The following THSD7A variants were observed in gnomAD, a reference collection of about 807,000 sequenced individuals.
The protein encoded by THSD7A is thrombospondin type-1 domain-containing protein 7A.
Under a neutral mutation model 231.3 loss-of-function variants are expected in THSD7A, and 96 were observed. That is an observed-to-expected ratio of 0.41 (90% CI 0.35 to 0.49). THSD7A has a LOEUF of 0.49. THSD7A is among the 20% of genes least tolerant of loss of function. The probability of loss-of-function intolerance (pLI) is 0.05; values close to 1 mark genes in which losing one functional copy is unlikely to be tolerated. For synonymous variants in THSD7A, 940 were observed against 743.3 expected (o/e 1.26, Z -4.30); for missense variants, 2,290 against 2,070.2 (o/e 1.11, Z -2.06).
intron 23 of THSD7A, among the ~76,000 whole-genome samples, chr7:11,393,546 A>C (rs1018336534): frequency 3.3e-5 from 5 of 151,424 alleles, no homozygotes; most frequent in Non-Finnish European, 5.9e-5. Context: ...TCAGAAGGTG[A>C]GTAATAACAA....
chr7:11,759,294 C>T (rs187951850), intron 1 of THSD7A, among the ~76,000 whole-genome samples: 8 of 152,078 alleles, frequency 5.3e-5, no homozygotes, highest in Admixed American at 5.2e-4. Context: ...GCAAAAATGA[C>T]CATGTAATTT....
chr7:11,686,892 A>G (rs1002300756), intron 1 of THSD7A, among the ~76,000 whole-genome samples: 2 of 151,876 alleles, frequency 1.3e-5, no homozygotes, highest in Admixed American at 1.3e-4. Context: ...TGGTGACAGC[A>G]TCATTCATAA....
intron 1 of THSD7A, among the ~76,000 whole-genome samples, chr7:11,663,992 T>C (rs1371413763): frequency 6.6e-6 from 1 of 151,408 alleles, no homozygotes; most frequent in East Asian, 1.9e-4. Context: ...TTAAAAGATA[T>C]AGCATGTTAG....
At chr7:11,602,551 A>C (rs1213625619) in intron 2 of THSD7A, among the ~76,000 whole-genome samples, 1 of 152,084 alleles carries the variant, frequency 6.6e-6, no homozygotes, top group Non-Finnish European at 1.5e-5. Flanking sequence ...GAAGGTAATT[A>C]ATGGAAATAT....
At chr7:11,776,348 C>T (rs1783405188) in intron 1 of THSD7A, among the ~76,000 whole-genome samples, 1 of 152,156 alleles carries the variant, frequency 6.6e-6, no homozygotes. Context: ...AGTAATGGAG[C>T]ACATAAAGCT....
rs367816173 is a variant in THSD7A at position 11,481,824 on chromosome 7, G to A, written c.1981C>T (p.Arg661Ter). The A allele has an allele frequency of 3.1e-6, 5 of 1,613,550 alleles. No individual in the cohort carries two copies. The highest frequency in any genetic ancestry group is 3.4e-6 in the Non-Finnish European group (4 of 1,179,622). Residue 661 changes from arginine to a stop codon, truncating the protein, a stop_gained, in exon 7 of 28, where the codon CGA becomes TGA. Coordinates refer to ENST00000423059, the MANE Select transcript of THSD7A (RefSeq NM_015204.3). LOFTEE classifies it high-confidence loss of function. ...SGKTTEGKQI[R>*]ARSILAYAGE... ...GCATAGGCCAGAATGGATCGTGCTC[G>A]TATCTGTTTCCCTTCTGTCGTTTTC...
At chr7:11,695,879 A>G (rs1322946625) in intron 1 of THSD7A, among the ~76,000 whole-genome samples, 1 of 151,558 alleles carries the variant, frequency 6.6e-6, no homozygotes, top group Admixed American at 6.6e-5. Flanking sequence ...ATATAAATAA[A>G]AGATTGAAGC....
rs183246392 is a variant in THSD7A at position 11,444,247 on chromosome 7, C to T, written c.3064+1814G>A. 1.1e-3 allele frequency among the ~76,000 whole-genome samples: 160 copies of T among 152,166 alleles called. No homozygotes were observed. Among genetic ancestry groups the T allele is most frequent in the Admixed American group, 9.1e-3 (139 of 15,262 alleles). ...CATTGTGGAAGACAGTGTGGCGATT[C>T]CTCAAGGATCTAGAACCAGAAATAC... is the stretch of plus-strand genomic sequence containing the variant. On this transcript the variant is annotated intron_variant, in intron 13 of 27. Coordinates refer to ENST00000423059, the MANE Select transcript of THSD7A (RefSeq NM_015204.3). The surrounding 1 kb of genome is among the most constrained non-coding windows in gnomAD (Gnocchi z 4.2).
At position 11,714,008 on chromosome 7, in the gene THSD7A, T is replaced by C. The variant is rs1420892108; in HGVS notation, c.191-77047A>G. Among the ~76,000 whole-genome samples the C allele has an allele frequency of 1.2e-4, 18 of 151,232 alleles. 1 individual carries two copies. On this transcript the variant is annotated intron_variant, in intron 1 of 27. Transcript: ENST00000423059. The stretch of plus-strand genomic sequence containing the variant: ...CATCAGAGTGCGTCATATACAATAA[T>C]GCTTTTATTTGTTGAAAATTTAAGT...
At chr7:11,619,593 T>C (rs2128352630) in intron 2 of THSD7A, among the ~76,000 whole-genome samples, 1 of 151,894 alleles carries the variant, frequency 6.6e-6, no homozygotes, top group Non-Finnish European at 1.5e-5. Context: ...AATTTTATTA[T>C]TATTTTCTGT....
At chr7:11,397,062 C>T (rs897500164) in intron 23 of THSD7A, among the ~76,000 whole-genome samples, 2 of 152,134 alleles carry the variant, frequency 1.3e-5, no homozygotes, top group Non-Finnish European at 2.9e-5. Flanking sequence ...GCAGAAGAGG[C>T]CTTTGACAAA....
At chr7:11,816,226 A>G (rs373726376) in intron 1 of THSD7A, among the ~76,000 whole-genome samples, 4 of 152,330 alleles carry the variant, frequency 2.6e-5, no homozygotes, top group Admixed American at 2.6e-4. Flanking sequence ...AATAGGTACT[A>G]AGTGCCTGCC....
At chr7:11,433,388 C>G (rs1396485631) in intron 13 of THSD7A, among the ~76,000 whole-genome samples, 6 of 151,866 alleles carry the variant, frequency 4.0e-5, no homozygotes, top group Non-Finnish European at 8.8e-5. Flanking sequence ...CACTTATTTT[C>G]TTTAAATAAG....
At chr7:11,613,171 C>T (rs1562769755) in intron 2 of THSD7A, among the ~76,000 whole-genome samples, 1 of 152,154 alleles carries the variant, frequency 6.6e-6, no homozygotes, top group Non-Finnish European at 1.5e-5. Context: ...TCTGGGTATC[C>T]CACAATCTTG....
At chr7:11,524,534 T>G (rs1185936515) in intron 6 of THSD7A, among the ~76,000 whole-genome samples, 1 of 152,190 alleles carries the variant, frequency 6.6e-6, no homozygotes, top group Non-Finnish European at 1.5e-5. Context: ...TGGTTCGACT[T>G]TAAAAGACCG....
At chr7:11,785,451 C>T (rs996695495) in intron 1 of THSD7A, among the ~76,000 whole-genome samples, 1 of 152,076 alleles carries the variant, frequency 6.6e-6, no homozygotes, top group Non-Finnish European at 1.5e-5. Flanking sequence ...TCCTACTTTT[C>T]ATGTTGAACT....
chr7:11,649,770 T>C (rs1782420806), intron 1 of THSD7A, among the ~76,000 whole-genome samples: 1 of 152,026 alleles, frequency 6.6e-6, no homozygotes, highest in Non-Finnish European at 1.5e-5. Flanking sequence ...TATATCCAAT[T>C]AACTGGGTGA....
intron 2 of THSD7A, among the ~76,000 whole-genome samples, chr7:11,604,546 T>G (rs1472937501): frequency 7.0e-6 from 1 of 142,568 alleles, no homozygotes; most frequent in African/African-American, 3.0e-5. Context: ...AAAATGTTTC[T>G]TTTTTTCCCA....
At chr7:11,488,478 C>T (rs1294119178) in intron 6 of THSD7A, among the ~76,000 whole-genome samples, 2 of 152,058 alleles carry the variant, frequency 1.3e-5, no homozygotes, top group Admixed American at 1.3e-4. Flanking sequence ...ACTTATGCCT[C>T]ATTCTTCACT....
Sources: gnomAD v4.1 joint callset for allele counts (sites outside exome capture counted in the v4.1 genomes callset) on GRCh38, gnomAD v4.1.1 for gene constraint, Gnocchi (gnomAD v3.1) non-coding constraint, MANE v1.5 for transcripts, NCBI Gene and HGNC (gene_info 2026-07-23, HGNC 2026-07-21) for gene names.